EYA4: variants seen among roughly 807,000 people sequenced by gnomAD.
EYA4 encodes EYA transcriptional coactivator and phosphatase 4, also known as protein phosphatase EYA4.
A neutral mutation model predicts 87.9 loss-of-function variants in EYA4; 31 were observed. That is an observed-to-expected ratio of 0.35 (90% CI 0.27 to 0.48). The LOEUF (loss-of-function observed/expected upper bound fraction) is 0.48, where lower values mean the gene tolerates loss of function less well. Ranked by LOEUF, EYA4 falls within the 20% of genes least tolerant of loss-of-function variation. The pLI is 0.99. For synonymous variants in EYA4, 263 were observed against 270.6 expected (o/e 0.97, Z 0.28); for missense variants, 678 against 761.4 (o/e 0.89, Z 1.29).
chr6:133,483,002 A>G (rs954244478), intron 12 of EYA4, 30 bp from the exon 13 acceptor site: 15 of 1,580,846 alleles, frequency 9.5e-6, no homozygotes, highest in Non-Finnish European at 1.2e-5. Flanking sequence ...TGGACTTTTT[A>G]ATTTTCTGAT....
rs114530607 is a variant in EYA4 at position 133,292,201 on chromosome 6, G to A, written c.33+17388G>A. On this transcript the variant is annotated intron_variant, in intron 2 of 19. Transcript: ENST00000355286. ...TTTTTGGATGATGCAGACACATTCC[G>A]TTGCACAAAATTACTCTGCAAAAGT... 7.4e-3 allele frequency among the ~76,000 whole-genome samples: 1,121 copies of A among 152,202 alleles called. 16 individuals carry two copies. Among genetic ancestry groups the A allele is most frequent in the African/African-American group, 0.026 (1,060 of 41,524 alleles).
At chr6:133,458,291 G>A (rs1479208037) in intron 6 of EYA4, among the ~76,000 whole-genome samples, 1 of 152,060 alleles carries the variant, frequency 6.6e-6, no homozygotes, top group South Asian at 2.1e-4. Context: ...ATTGCAGTAA[G>A]TATATTTTTA....
At position 133,456,646 on chromosome 6, in the gene EYA4, C is replaced by T; in HGVS notation, c.368C>T (p.Ser123Leu). The T allele has an allele frequency of 6.2e-7, 1 of 1,606,702 alleles. No individual in the cohort carries two copies. Among genetic ancestry groups the T allele is most frequent in the Non-Finnish European group, 8.5e-7 (1 of 1,173,326 alleles). The change falls in exon 6 of 20, where the codon TCA (serine) becomes TTA (leucine). Residue 123 changes from serine to leucine, a missense_variant and splice_region_variant. Physicochemically the swap from Ser to Leu is moderately radical, Grantham distance 145. Transcript: ENST00000355286. Reference sequence around the variant, plus strand: ...GGAGCGCTTGACACTTTTACTGGGTCAGGTAAAGCCTTTAGCTCGTGTGTC... The same window carrying T: ...GGAGCGCTTGACACTTTTACTGGGTTAGGTAAAGCCTTTAGCTCGTGTGTC... ...GDGALDTFTG[S>L]VITSSGYSPR... is the part of the protein sequence containing the mutation.
chr6:133,318,619 C>CT lies in EYA4; in HGVS notation c.33+43820dup, dbSNP rs780824574. Among the ~76,000 whole-genome samples the CT allele has an allele frequency of 4.4e-3, 474 of 107,976 alleles. 5 individuals carry two copies. The highest frequency in any genetic ancestry group is 0.012 in the African/African-American group (385 of 33,080). 70.8% of individuals were successfully genotyped at this position (107,976 alleles called of 152,430 possible). A position where few individuals can be genotyped will look rare whatever the true frequency, so the allele number is the denominator to read the frequency against. ...GTTGAAAAAGTAATTTTAAGCCATT[C>CT]TTTTTTTTTTTTTTAATCATCCAGA... On this transcript the variant is annotated intron_variant, in intron 2 of 19. Coordinates refer to ENST00000355286, the MANE Select transcript of EYA4 (RefSeq NM_004100.5).
chr6:133,515,267 T>C (rs1799492816), intron 16 of EYA4, 54 bp from the exon 17 acceptor site: 1 of 859,578 alleles, frequency 1.2e-6, no homozygotes, highest in African/African-American at 1.6e-5. Context: ...CTAAACTAGA[T>C]ATTCTGAGAC....
At chr6:133,464,994 A>G in intron 10 of EYA4, 136 bp downstream of exon 10, 1 of 647,514 alleles carries the variant, frequency 1.5e-6, no homozygotes. Context: ...ATTTCAGGAT[A>G]GTAAAAAATT....
intron 2 of EYA4, among the ~76,000 whole-genome samples, chr6:133,324,904 ATTTTT>A (rs756478373): frequency 1.6e-4 from 13 of 83,538 alleles, no homozygotes; most frequent in African/African-American, 5.7e-4. Flanking sequence ...TTCAGAAGCT[ATTTTT>A]TTTTTTTTTT....
chr6:133,520,347 A>G (rs1328881493), intron 17 of EYA4, among the ~76,000 whole-genome samples: 22 of 118,110 alleles, frequency 1.9e-4, no homozygotes, highest in Non-Finnish European at 3.5e-5. Flanking sequence ...AACAACAGAC[A>G]AACAGAGAGC....
At position 133,498,022 on chromosome 6, in the gene EYA4, A is replaced by G. The variant is rs555856326; in HGVS notation, c.1192-8084A>G. Among the ~76,000 whole-genome samples, 97 of 152,336 alleles carry G rather than the reference A, an allele frequency of 6.4e-4. No individual in the cohort carries two copies. The South Asian group carries it at 0.018, about 29-fold the overall frequency. ...GAATTAATCAATTGATTGCTTGTAT[A>G]TTGAACAGTCTACACACATTTGTGC... On this transcript the variant is annotated intron_variant, in intron 13 of 19. Coordinates refer to ENST00000355286, the MANE Select transcript of EYA4 (RefSeq NM_004100.5).
chr6:133,369,176 T>C (rs545591858), intron 2 of EYA4, among the ~76,000 whole-genome samples: 6 of 152,330 alleles, frequency 3.9e-5, no homozygotes, highest in Middle Eastern at 6.8e-3. Context: ...AGTTGGAAGA[T>C]ACTGTTTTCT....
intron 2 of EYA4, among the ~76,000 whole-genome samples, chr6:133,373,334 T>TA (rs1191466856): frequency 5.9e-5 from 9 of 152,002 alleles, no homozygotes; most frequent in Non-Finnish European, 1.3e-4. Flanking sequence ...CCAATATCTT[T>TA]AAAAAAATTT....
chr6:133,409,945 A>G (rs1297176841), intron 3 of EYA4, among the ~76,000 whole-genome samples: 3 of 152,184 alleles, frequency 2.0e-5, no homozygotes, highest in Non-Finnish European at 4.4e-5. Flanking sequence ...CCTTAAATAT[A>G]TGTCCTCCCC....
At chr6:133,273,097 G>GTGTATATATA (rs142020137) in intron 1 of EYA4, among the ~76,000 whole-genome samples, 36 of 106,652 alleles carry the variant, frequency 3.4e-4, no homozygotes, top group African/African-American at 1.0e-3. Context: ...ATATATATAT[G>GTGTATATATA]TATATATATA....
intron 1 of EYA4, among the ~76,000 whole-genome samples, chr6:133,261,833 G>C (rs1775820330): frequency 6.6e-6 from 1 of 152,048 alleles, no homozygotes; most frequent in South Asian, 2.1e-4. Context: ...CAAGCAAAGT[G>C]GTCTGTATTT....
intron 18 of EYA4, 47 bp from the exon 19 acceptor site, chr6:133,525,107 G>A (rs753509583): frequency 8.1e-6 from 13 of 1,613,442 alleles, no homozygotes; most frequent in African/African-American, 5.3e-5. Flanking sequence ...GGAGCATGCC[G>A]CTAACCAGGT....
chr6:133,306,491 G>A (rs17062316), intron 2 of EYA4, among the ~76,000 whole-genome samples: 1 of 152,200 alleles, frequency 6.6e-6, no homozygotes, highest in Admixed American at 6.5e-5. Context: ...CAGATGAAAA[G>A]TGTATTCTCC....
intron 2 of EYA4, among the ~76,000 whole-genome samples, chr6:133,304,868 G>C (rs1009994544): frequency 1.3e-5 from 2 of 152,152 alleles, no homozygotes; most frequent in African/African-American, 4.8e-5. Flanking sequence ...ATTCCAAAGA[G>C]CTTATATTTC....
At chr6:133,417,925 T>C (rs752872533) in intron 3 of EYA4, among the ~76,000 whole-genome samples, 20 of 152,162 alleles carry the variant, frequency 1.3e-4, no homozygotes, top group Non-Finnish European at 2.1e-4. Context: ...TTTTCTTCTG[T>C]GGTGAATTTT....
At chr6:133,445,816 G>A (rs1259405630) in intron 3 of EYA4, among the ~76,000 whole-genome samples, 3 of 152,040 alleles carry the variant, frequency 2.0e-5, no homozygotes, top group Non-Finnish European at 4.4e-5. Context: ...TCCTGACCTC[G>A]TGATCCACTC....
Sources: gnomAD v4.1 joint callset for allele counts (sites outside exome capture counted in the v4.1 genomes callset) on GRCh38, gnomAD v4.1.1 for gene constraint, MANE v1.5 for transcripts, NCBI Gene and HGNC (gene_info 2026-07-23, HGNC 2026-07-21) for gene names.